BAHCC1: variants seen among roughly 807,000 people sequenced by gnomAD.
The protein encoded by BAHCC1 is BAH and coiled-coil domain-containing protein 1.
In BAHCC1, 43 loss-of-function variants were observed where a neutral mutation model predicts 88.2. The observed-to-expected ratio is 0.49, with a 90% CI of 0.38 to 0.63. The LOEUF is 0.63. BAHCC1 is among the 20% of genes least tolerant of loss of function. The probability of loss-of-function intolerance (pLI) is 0.00; values close to 1 mark genes in which losing one functional copy is unlikely to be tolerated. For synonymous variants in BAHCC1, 1,510 were observed against 745.5 expected, an observed-to-expected ratio of 2.03 and a Z score of -16.71; for missense variants, 3,023 against 1,654.8, an observed-to-expected ratio of 1.83 and a Z score of -14.34.
intron 2 of BAHCC1, among the ~76,000 whole-genome samples, chr17:81,407,774 G>A (rs1401784568): frequency 6.6e-6 from 1 of 152,216 alleles, no homozygotes; most frequent in Non-Finnish European, 1.5e-5. Flanking sequence ...GCTCACAGCT[G>A]CTCACACTCA....
chr17:81,400,486 C>T (rs2063801730), intron 2 of BAHCC1, among the ~76,000 whole-genome samples: 4 of 152,234 alleles, frequency 2.6e-5, no homozygotes, highest in South Asian at 2.1e-4. Context: ...ATGCATTTGC[C>T]TTAACGAGTG....
rs782674826 is a variant in BAHCC1 at position 81,441,789 on chromosome 17, A to AG, written c.482-42_482-41insG. 1.0e-4 allele frequency: 52 copies of AG among 518,840 alleles called. No homozygotes were observed. In the East Asian group the frequency reaches 1.6e-3, roughly 16 times the overall value. The allele number at this position is 518,840 out of a possible 1,614,324, so 32.1% of individuals were successfully genotyped here. A position where few individuals can be genotyped will look rare whatever the true frequency, so the allele number is the denominator to read the frequency against. On this transcript the variant is annotated intron_variant, in intron 4 of 27. Transcript: ENST00000675386. ...TCTCAGGGAGTCTTTCTCCAGCCTC[A>AG]CCCCTAAGGCCTCCCATTGACCTTG...
rs992171776 is a variant in BAHCC1 at position 81,411,919 on chromosome 17, G to T, written c.178+12002G>T. Reference sequence around the variant, plus strand: ...TTACCATCGTATCCCTGCATCCGAGGGTAGCTTTGCCACAGGAAGCATTTG... The same window carrying T: ...TTACCATCGTATCCCTGCATCCGAGTGTAGCTTTGCCACAGGAAGCATTTG... On this transcript the variant is annotated intron_variant, in intron 2 of 27. Transcript: ENST00000675386. This position sits in a 1 kb window ranked among gnomAD's most constrained non-coding sequence, Gnocchi z 6.2. Among the ~76,000 whole-genome samples, 8 of 152,204 alleles carry T rather than the reference G, an allele frequency of 5.3e-5. No homozygotes were observed. The highest frequency in any genetic ancestry group is 8.8e-5 in the Non-Finnish European group (6 of 68,036).
intron 2 of BAHCC1, chr17:81,410,018 C>T (rs1289423051): frequency 1.4e-5 from 4 of 279,958 alleles, no homozygotes; most frequent in South Asian, 2.6e-5. Flanking sequence ...GGATCGGTGG[C>T]CCCTGCTCTT....
chr17:81,448,838 G>A (rs185615592), intron 11 of BAHCC1, among the ~76,000 whole-genome samples: 36 of 152,256 alleles, frequency 2.4e-4, no homozygotes, highest in African/African-American at 7.7e-4. Flanking sequence ...AGGGTTTGAG[G>A]AAGCTTGGAG....
At chr17:81,417,411 G>A (rs1377148586) in intron 2 of BAHCC1, among the ~76,000 whole-genome samples, 1 of 152,052 alleles carries the variant, frequency 6.6e-6, no homozygotes, top group African/African-American at 2.4e-5. Flanking sequence ...GAGAGACATG[G>A]GAGAAGGTGT....
chr17:81,426,168 ATAG>A (rs2064195099), intron 2 of BAHCC1, among the ~76,000 whole-genome samples: 3 of 132,896 alleles, frequency 2.3e-5, no homozygotes, highest in African/African-American at 8.5e-5. Context: ...GTTGGGGGTG[ATAG>A]TGGTGGGTAA....
intron 2 of BAHCC1, among the ~76,000 whole-genome samples, chr17:81,426,384 GTT>G: frequency 6.8e-6 from 1 of 146,412 alleles, no homozygotes. Flanking sequence ...GGGTGATGTG[GTT>G]GGTGGTGATA....
rs782305644 is a variant in BAHCC1 at position 81,462,980 on chromosome 17, A to AGGCCCGGACAGGTGTGG, written c.7620+10_7620+26dup. Reference sequence around the variant, plus strand: ...CAAGAGGCAGTGCGACGGCAAGGTGAGGCCCGGACAGGTGTGGGGCCCAGC... The same window carrying AGGCCCGGACAGGTGTGG: ...CAAGAGGCAGTGCGACGGCAAGGTGAGGCCCGGACAGGTGTGGGGCCCGGACAGGTGTGGGGCCCAGC... On this transcript the variant is annotated splice_donor_region_variant and intron_variant, in intron 27 of 27. Transcript: ENST00000675386. The AGGCCCGGACAGGTGTGG allele has an allele frequency of 5.1e-6, 4 of 778,934 alleles. No homozygotes were observed. Among genetic ancestry groups the AGGCCCGGACAGGTGTGG allele is most frequent in the Non-Finnish European group, 9.6e-6 (4 of 417,670 alleles). 48.3% of individuals were successfully genotyped at this position (778,934 alleles called of 1,614,324 possible). A position where few individuals can be genotyped will look rare whatever the true frequency, so the allele number is the denominator to read the frequency against.
At position 81,442,076 on chromosome 17, in the gene BAHCC1, G is replaced by C; in HGVS notation, c.727G>C (p.Glu243Gln). 1 of 710,514 alleles carries C rather than the reference G, an allele frequency of 1.4e-6. No individual in the cohort carries two copies. The highest frequency in any genetic ancestry group is 2.6e-6 in the Non-Finnish European group (1 of 381,426). The allele number at this position is 710,514 out of a possible 1,614,324, so 44.0% of individuals were successfully genotyped here. ...AEGKERPAAE[E>Q]DGGKERHKLV... ...GGGCAAGGAGCGGCCAGCGGCAGAG[G>C]AGGACGGTGGCAAGGAGCGGCACAA... The change falls in exon 5 of 28, where the codon GAG becomes CAG. Residue 243 changes from glutamate to glutamine, a missense_variant. Glu to Gln is a conservative substitution (Grantham distance 29). Transcript: ENST00000675386.
chr17:81,411,367 C>T lies in BAHCC1; in HGVS notation c.178+11450C>T, dbSNP rs2063948141. On this transcript the variant is annotated intron_variant, in intron 2 of 27. Coordinates refer to ENST00000675386, the MANE Select transcript of BAHCC1 (RefSeq NM_001377448.1). This position sits in a 1 kb window ranked among gnomAD's most constrained non-coding sequence, Gnocchi z 6.2. ...CTGGAGAGACGGGAGGCACCGGTGC[C>T]CTGTGGGTGGGAGCACTGCTGGCTC... Among the ~76,000 whole-genome samples the T allele has an allele frequency of 6.8e-6, 1 of 148,124 alleles. No homozygotes were observed. The highest frequency in any genetic ancestry group is 2.1e-4 in the East Asian group (1 of 4,704).
At position 81,399,279 on chromosome 17, in the gene BAHCC1, G is replaced by T. The variant is rs2063780993; in HGVS notation, c.-206-255G>T. 2 of 354,632 alleles carry T rather than the reference G, an allele frequency of 5.6e-6. No individual in the cohort carries two copies. The highest frequency in any genetic ancestry group is 5.7e-4 in the Middle Eastern group (1 of 1,764). 22.0% of individuals were successfully genotyped at this position (354,632 alleles called of 1,614,324 possible). A position where few individuals can be genotyped will look rare whatever the true frequency, so the allele number is the denominator to read the frequency against. ...AGAACGGGAGGCGGCGAGCAGTGCG[G>T]CTGGGTTCCCCCGGCTGCCCCGGGC... is the stretch of plus-strand genomic sequence containing the variant. On this transcript the variant is annotated intron_variant, in intron 1 of 27. Transcript: ENST00000675386. This position sits in a 1 kb window ranked among gnomAD's most constrained non-coding sequence, Gnocchi z 4.5.
rs1555654829 is a variant in BAHCC1, at chr17:81,447,434, G to A, written c.3562G>A (p.Glu1188Lys). ...AGGGGCACGAGAAGAGAGGAGCAGG[G>A]AGGAGGGGGAGCAGGGGCCCTCGTC... is the stretch of plus-strand genomic sequence containing the variant. ...QGGAREERSR[E>K]EGEQGPSSGA... The change falls in exon 11 of 28, where the codon GAG becomes AAG. Residue 1188 changes from glutamate (E) to lysine (K), a missense_variant. Physicochemically the swap from Glu to Lys is moderately conservative, Grantham distance 56. Transcript: ENST00000675386. 6 of 745,848 alleles carry A rather than the reference G, an allele frequency of 8.0e-6. No individual in the cohort carries two copies. Among genetic ancestry groups the A allele is most frequent in the Admixed American group, 7.5e-5 (4 of 53,190 alleles). The allele number at this position is 745,848 out of a possible 1,614,324, so 46.2% of individuals were successfully genotyped here. A position where few individuals can be genotyped will look rare whatever the true frequency, so the allele number is the denominator to read the frequency against.
intron 2 of BAHCC1, among the ~76,000 whole-genome samples, chr17:81,421,299 G>C (rs1317753036): frequency 1.3e-5 from 2 of 152,264 alleles, no homozygotes; most frequent in African/African-American, 4.8e-5. Context: ...CTCCCAGGCA[G>C]CTGAGGCACA....
chr17:81,446,721 C>T (rs1231131915), intron 10 of BAHCC1: 1 of 506,902 alleles, frequency 2.0e-6, no homozygotes, highest in African/African-American at 1.9e-5. Flanking sequence ...GCTCATTGTT[C>T]TTTAATTTTT....
chr17:81,415,106 G>A (rs1194694895), intron 2 of BAHCC1, among the ~76,000 whole-genome samples: 2 of 152,324 alleles, frequency 1.3e-5, no homozygotes, highest in Non-Finnish European at 1.5e-5. Context: ...GCTGCGCGGG[G>A]GGCTGGGGAC....
At position 81,455,275 on chromosome 17, in the gene BAHCC1, G is replaced by A. The variant is rs112752185; in HGVS notation, c.4454G>A (p.Arg1485Gln). 2.0e-5 allele frequency: 14 copies of A among 716,032 alleles called. No individual in the cohort carries two copies. The highest frequency in any genetic ancestry group is 8.0e-5 in the Admixed American group (4 of 50,050). 44.4% of individuals were successfully genotyped at this position (716,032 alleles called of 1,614,324 possible). The change falls in exon 15 of 28, where the codon CGG becomes CAG. Residue 1485 changes from arginine (R) to glutamine (Q), a missense_variant. Physicochemically the swap from Arg to Gln is conservative, Grantham distance 43. Coordinates refer to ENST00000675386, the MANE Select transcript of BAHCC1 (RefSeq NM_001377448.1). ...CCACCCCATGCCCCCAGGGCGGTGC[G>A]GACAAGCCTGGGTCTGCTGTGTGCG... ...RSDGKKVKAV[R>Q]TSLGLLCAEL...
At chr17:81,418,707 C>T (rs2064066719) in intron 2 of BAHCC1, among the ~76,000 whole-genome samples, 1 of 152,094 alleles carries the variant, frequency 6.6e-6, no homozygotes, top group Admixed American at 6.5e-5. Context: ...CTGTGTGGCT[C>T]CCATGCCCGA....
chr17:81,425,695 G>A (rs1480553797), intron 2 of BAHCC1, among the ~76,000 whole-genome samples: 1 of 6,112 alleles, frequency 1.6e-4, no homozygotes, highest in African/African-American at 4.8e-4. Flanking sequence ...GGTTGGTGGC[G>A]ATGTGGTTGG....
Sources: gnomAD v4.1 joint callset for allele counts (sites outside exome capture counted in the v4.1 genomes callset) on GRCh38, gnomAD v4.1.1 for gene constraint, Gnocchi (gnomAD v3.1) non-coding constraint, MANE v1.5 for transcripts, NCBI Gene and HGNC (gene_info 2026-07-23, HGNC 2026-07-21) for gene names.